The following ERCC5 variants were observed in gnomAD, a reference collection of about 807,000 sequenced individuals.
ERCC5 encodes the protein ERCC excision repair 5, endonuclease, also known as DNA excision repair protein ERCC-5.
ERCC5 carries 68 observed loss-of-function variants against 105.6 expected under a neutral mutation model. The ratio of observed to expected loss-of-function variants is 0.64; its 90% CI spans 0.53 to 0.79. The LOEUF is 0.79. Ranked by LOEUF, ERCC5 falls within the 30% of genes least tolerant of loss-of-function variation. ERCC5 has a pLI of 0.00. For synonymous variants in ERCC5, 546 were observed against 526.2 expected (o/e 1.04, Z -0.51); for missense variants, 1,373 against 1,426.7 (o/e 0.96, Z 0.61).
At chr13:102,849,851 C>T (rs772040678) in intron 1 of ERCC5, among the ~76,000 whole-genome samples, 2 of 152,004 alleles carry the variant, frequency 1.3e-5, no homozygotes, top group Admixed American at 6.5e-5. Flanking sequence ...ACAGAAATAA[C>T]GTGATAGGTG....
In ERCC5 at chr13:102,862,998, ACCAT is replaced by A; in HGVS notation, c.1853_1856del (p.Ile618LysfsTer13). On this transcript the variant is annotated frameshift_variant, in exon 8 of 15. Coordinates refer to ENST00000652225, the MANE Select transcript of ERCC5 (RefSeq NM_000123.4). LOFTEE classifies it high-confidence loss of function. The stretch of plus-strand genomic sequence containing the variant: ...TAAAGAGCATGAGAATTTTCTGGAA[ACCAT>A]CCAAGAACAGCAGACCACTGAATCT... 6.2e-7 allele frequency: 1 copy of A among 1,614,212 alleles called. No individual in the cohort carries two copies. Among genetic ancestry groups the A allele is most frequent in the Non-Finnish European group, 8.5e-7 (1 of 1,180,038 alleles).
intron 12 of ERCC5, 110 bp downstream of exon 12, chr13:102,868,367 T>G (rs1268610775): frequency 1.4e-6 from 2 of 1,430,384 alleles, no homozygotes; most frequent in Non-Finnish European, 1.9e-6. Flanking sequence ...GAACAATGGT[T>G]CACTGAGAAA....
intron 4 of ERCC5, among the ~76,000 whole-genome samples, chr13:102,854,860 C>T (rs1271026035): frequency 6.6e-6 from 1 of 152,218 alleles, no homozygotes; most frequent in Non-Finnish European, 1.5e-5. Flanking sequence ...GCTTTCTGCT[C>T]AGCCTCTCTG....
intron 8 of ERCC5, 148 bp downstream of exon 8, chr13:102,863,251 A>G (rs774480920): frequency 4.2e-6 from 4 of 947,248 alleles, no homozygotes; most frequent in South Asian, 1.7e-5. Context: ...TTTCCCAGGG[A>G]GTCACAGCTG....
Position 102,863,022 on chromosome 13 carries a change from G to C in ERCC5, c.1873G>C (p.Glu625Gln), listed in dbSNP as rs2140528738. 1 of 1,614,174 alleles carries C rather than the reference G, an allele frequency of 6.2e-7. No individual in the cohort carries two copies. Among genetic ancestry groups the C allele is most frequent in the Non-Finnish European group, 8.5e-7 (1 of 1,180,030 alleles). The change falls in exon 8 of 15, where the codon GAA (glutamate) becomes CAA (glutamine). Residue 625 changes from glutamate (E) to glutamine (Q), a missense_variant. Coordinates refer to ENST00000652225, the MANE Select transcript of ERCC5 (RefSeq NM_000123.4). ...AACCATCCAAGAACAGCAGACCACT[G>C]AATCTGCAGGCCAGGATTTAATTTC... Reference protein sequence around the residue: ...LETIQEQQTTESAGQDLISIP... With the variant: ...LETIQEQQTTQSAGQDLISIP...
chr13:102,850,200 A>G (rs1435304614), intron 1 of ERCC5, among the ~76,000 whole-genome samples: 1 of 152,194 alleles, frequency 6.6e-6, no homozygotes, highest in Non-Finnish European at 1.5e-5. Context: ...TGCTGGGATT[A>G]CAAGTGTGAG....
intron 12 of ERCC5, among the ~76,000 whole-genome samples, chr13:102,871,257 C>T (rs1269052754): frequency 6.6e-6 from 1 of 152,196 alleles, no homozygotes; most frequent in Admixed American, 6.5e-5. Flanking sequence ...TCCCCTAGGC[C>T]TGGCACGGCT....
Position 102,862,751 on chromosome 13 carries a change from A to G in ERCC5, c.1602A>G (p.Ser534=). ...CTCCAACTTGTACAAATTCTGTGTC[A>G]AAGAATGAAACACATGCTGAAGTGC... ...PASPTCTNSV[S]KNETHAEVLE... The change falls in exon 8 of 15, where the codon TCA becomes TCG. Residue 534 remains serine, a synonymous_variant. Transcript: ENST00000652225. The G allele has an allele frequency of 1.2e-6, 2 of 1,614,244 alleles. No individual in the cohort carries two copies. The highest frequency in any genetic ancestry group is 4.5e-5 in the East Asian group (2 of 44,890).
intron 12 of ERCC5, among the ~76,000 whole-genome samples, chr13:102,870,010 C>T (rs936900536): frequency 3.9e-5 from 6 of 152,204 alleles, no homozygotes; most frequent in Non-Finnish European, 7.3e-5. Flanking sequence ...TTCGCTCTGC[C>T]TGGCTCAGGA....
Position 102,875,592 on chromosome 13 carries a change from T to G in ERCC5, c.3250T>G (p.Cys1084Gly). The change falls in exon 15 of 15, where the codon TGC (cysteine) becomes GGC (glycine). Residue 1084 changes from cysteine to glycine, a missense_variant. Physicochemically the swap from Cys to Gly is radical, Grantham distance 159. Around this residue, in one of 3 missense-constraint regions of ERCC5, gnomAD observed 367 missense variants for 350.2 expected, o/e 1.05. Transcript: ENST00000652225. ...TTCAGATTCTAAAGGAAAGAATACA[T>G]GCGGTGGATTTTTGGGGGAGACCTG... is the stretch of plus-strand genomic sequence containing the variant. ...RLSDSKGKNT[C>G]GGFLGETCLS... 2 of 1,613,650 alleles carry G rather than the reference T, an allele frequency of 1.2e-6. No individual in the cohort carries two copies. Among genetic ancestry groups the G allele is most frequent in the South Asian group, 2.2e-5 (2 of 90,978 alleles).
At chr13:102,861,381 A>G (rs1882612073) in intron 6 of ERCC5, 126 bp from the exon 7 acceptor site, 8 of 974,390 alleles carry the variant, frequency 8.2e-6, no homozygotes, top group Non-Finnish European at 1.1e-5. Flanking sequence ...CTTTTATAAT[A>G]TGAAACTACC....
At chr13:102,851,322 G>T (rs951933070) in intron 1 of ERCC5, among the ~76,000 whole-genome samples, 3 of 152,068 alleles carry the variant, frequency 2.0e-5, no homozygotes, top group African/African-American at 7.2e-5. Flanking sequence ...TTGAGACGGA[G>T]TCTTGCTCTG....
intron 1 of ERCC5, among the ~76,000 whole-genome samples, chr13:102,847,155 A>AT (rs1426601985): frequency 1.3e-5 from 2 of 152,102 alleles, no homozygotes; most frequent in African/African-American, 2.4e-5. Context: ...TGTTTTACCC[A>AT]TTTTTTAAAT....
At chr13:102,846,391 G>T (rs1486303659) in intron 1 of ERCC5, 37 bp downstream of exon 1, 2 of 1,572,032 alleles carry the variant, frequency 1.3e-6, no homozygotes, top group East Asian at 2.2e-5. Context: ...GGGGTGCAGG[G>T]ATTCGGGGCT....
chr13:102,862,799 C>A lies in ERCC5; in HGVS notation c.1650C>A (p.Cys550Ter), dbSNP rs1595383575. The change falls in exon 8 of 15, where the codon TGC becomes TGA. Residue 550 changes from cysteine (C) to a stop codon, truncating the protein, a stop_gained. Coordinates refer to ENST00000652225, the MANE Select transcript of ERCC5 (RefSeq NM_000123.4). LOFTEE classifies it high-confidence loss of function. ...AEVLEQQNEL[C>*]PYESKFDSSL... ...TGCTTGAGCAGCAGAACGAACTTTG[C>A]CCATATGAGAGTAAATTCGATTCTT... 6.2e-7 allele frequency: 1 copy of A among 1,614,174 alleles called. No homozygotes were observed. Among genetic ancestry groups the A allele is most frequent in the Non-Finnish European group, 8.5e-7 (1 of 1,180,022 alleles).
chr13:102,859,415 T>C (rs979574811), intron 6 of ERCC5, among the ~76,000 whole-genome samples: 2 of 152,264 alleles, frequency 1.3e-5, no homozygotes, highest in Admixed American at 1.3e-4. Context: ...TGCACAGAAG[T>C]GACATTCTTG....
chr13:102,847,899 G>A (rs562751301), intron 1 of ERCC5, among the ~76,000 whole-genome samples: 4 of 152,198 alleles, frequency 2.6e-5, no homozygotes, highest in Admixed American at 6.5e-5. Context: ...AGTGGCTTAC[G>A]CCTGTCATCC....
At chr13:102,868,382 C>A in intron 12 of ERCC5, 125 bp downstream of exon 12, 1 of 1,319,154 alleles carries the variant, frequency 7.6e-7, no homozygotes, top group Non-Finnish European at 1.1e-6. Context: ...GAGAAAGCAG[C>A]AGAAAGTATT....
intron 4 of ERCC5, among the ~76,000 whole-genome samples, chr13:102,855,763 T>A (rs1293069774): frequency 1.3e-5 from 2 of 152,210 alleles, no homozygotes; most frequent in African/African-American, 4.8e-5. Flanking sequence ...CTCCAACCAG[T>A]GTAATTGCAG....
Sources: gnomAD v4.1 joint callset for allele counts (sites outside exome capture counted in the v4.1 genomes callset) on GRCh38, gnomAD v4.1.1 for gene constraint, gnomAD v4.1.1 regional missense constraint, MANE v1.5 for transcripts, NCBI Gene and HGNC (gene_info 2026-07-23, HGNC 2026-07-21) for gene names.